VDAC1: variants seen among roughly 807,000 people sequenced by gnomAD.
VDAC1 encodes the protein non-selective voltage-gated ion channel VDAC1.
VDAC1 carries 10 observed loss-of-function variants against 34.7 expected under a neutral mutation model. The ratio of observed to expected loss-of-function variants is 0.29; its 90% CI spans 0.18 to 0.49. The LOEUF (loss-of-function observed/expected upper bound fraction) is 0.49. Ranked by LOEUF, VDAC1 falls within the 20% of genes least tolerant of loss-of-function variation. VDAC1 has a pLI of 0.99. For synonymous variants in VDAC1, 130 were observed against 136.0 expected, an observed-to-expected ratio of 0.96 and a Z score of 0.30; for missense variants, 230 against 347.9, an observed-to-expected ratio of 0.66 and a Z score of 2.69.
the VDAC1 span, among the ~76,000 whole-genome samples, chr5:134,088,914 T>A: frequency 6.6e-6 from 1 of 152,250 alleles, no homozygotes; most frequent in Non-Finnish European, 1.5e-5. Flanking sequence ...ACACATCCAT[T>A]CAGCTTTTGC....
At chr5:134,031,748 T>G in the VDAC1 span, among the ~76,000 whole-genome samples, 1 of 151,744 alleles carries the variant, frequency 6.6e-6, no homozygotes, top group Non-Finnish European at 1.5e-5. Context: ...GTCAGGAGTT[T>G]CAGACCAGCC....
At chr5:134,097,794 G>T in the VDAC1 span, among the ~76,000 whole-genome samples, 5 of 152,266 alleles carry the variant, frequency 3.3e-5, no homozygotes, top group African/African-American at 1.2e-4. Flanking sequence ...GCAGCTCAAG[G>T]TTCTGAAGGT....
At chr5:134,051,203 C>T in the VDAC1 span, among the ~76,000 whole-genome samples, 1 of 152,190 alleles carries the variant, frequency 6.6e-6, no homozygotes, top group African/African-American at 2.4e-5. Context: ...GCCCAGGAGC[C>T]AGGGGGGCCA....
intron 6 of VDAC1, among the ~76,000 whole-genome samples, chr5:133,976,980 G>A (rs1752506200): frequency 6.6e-6 from 1 of 152,188 alleles, no homozygotes; most frequent in Non-Finnish European, 1.5e-5. Flanking sequence ...GGAGGCAGAG[G>A]TTGCAGTGAG....
At chr5:134,020,042 C>G in the VDAC1 span, among the ~76,000 whole-genome samples, 8 of 152,062 alleles carry the variant, frequency 5.3e-5, no homozygotes, top group East Asian at 5.8e-4. Context: ...ATACCTGCCC[C>G]CTGTGACCTA....
intron 8 of VDAC1, among the ~76,000 whole-genome samples, chr5:133,973,443 ATTTC>A (rs771497688): frequency 2.6e-5 from 4 of 152,150 alleles, no homozygotes; most frequent in Non-Finnish European, 5.9e-5. Context: ...CACTTTTCCT[ATTTC>A]TTTGTCTTTT....
In VDAC1 at chr5:133,980,821, G is replaced by A. The variant is rs150906268; in HGVS notation, c.459C>T (p.Tyr153=). ...ATTTTGCAGTCTCAAAATTCATCTGGTAGCCGGCCAGCCAGCCCTCGTAAC... is the reference window on the plus strand; with the variant it reads ...ATTTTGCAGTCTCAAAATTCATCTGATAGCCGGCCAGCCAGCCCTCGTAAC... ...VLGYEGWLAG[Y]QMNFETAKSR... Residue 153 remains tyrosine, a synonymous_variant, in exon 6 of 9, where the codon TAC becomes TAT. Coordinates refer to ENST00000265333, the MANE Select transcript of VDAC1 (RefSeq NM_003374.3). 253 of 1,613,238 alleles carry A rather than the reference G, an allele frequency of 1.6e-4. No individual in the cohort carries two copies. The African/African-American group carries it at 1.7e-3, about 11-fold the overall frequency.
At chr5:134,075,671 C>T in the VDAC1 span, among the ~76,000 whole-genome samples, 2 of 152,162 alleles carry the variant, frequency 1.3e-5, no homozygotes, top group African/African-American at 4.8e-5. Context: ...GCAACCTCCA[C>T]CTCCCGGGTT....
At chr5:134,025,989 C>T in the VDAC1 span, among the ~76,000 whole-genome samples, 1 of 152,056 alleles carries the variant, frequency 6.6e-6, no homozygotes, top group South Asian at 2.1e-4. Flanking sequence ...CCTTTTCCAC[C>T]GAGCCTGGCC....
chr5:134,072,143 T>C, the VDAC1 span, among the ~76,000 whole-genome samples: 1 of 152,140 alleles, frequency 6.6e-6, no homozygotes, highest in Non-Finnish European at 1.5e-5. Context: ...GCAGACACCT[T>C]CTAAGAACTT....
chr5:134,096,194 G>A, the VDAC1 span, among the ~76,000 whole-genome samples: 1 of 152,218 alleles, frequency 6.6e-6, no homozygotes, highest in Non-Finnish European at 1.5e-5. Context: ...TCCCTCCTAG[G>A]GGCTTCCTCC....
the VDAC1 span, among the ~76,000 whole-genome samples, chr5:134,024,294 C>T: frequency 6.6e-6 from 1 of 151,194 alleles, no homozygotes. Flanking sequence ...TTTGGGAGGC[C>T]GAGGAGGGCA....
At chr5:134,056,762 C>T in the VDAC1 span, among the ~76,000 whole-genome samples, 85 of 152,176 alleles carry the variant, frequency 5.6e-4, 2 homozygotes, top group East Asian at 0.015. Context: ...CTTGGCTCAC[C>T]GCAACCTCCG....
At chr5:133,993,144 C>A in intron 1 of VDAC1, 126 bp from the exon 2 acceptor site, 1 of 982,104 alleles carries the variant, frequency 1.0e-6, no homozygotes, top group South Asian at 1.7e-5. Flanking sequence ...TACCAGGTAG[C>A]TTATCCTCCC....
chr5:134,027,810 A>C, the VDAC1 span, among the ~76,000 whole-genome samples: 1 of 124,532 alleles, frequency 8.0e-6, no homozygotes. Context: ...CGCTCTTGTC[A>C]CCCGGGCTGG....
the VDAC1 span, among the ~76,000 whole-genome samples, chr5:134,010,424 C>T: frequency 6.6e-6 from 1 of 152,034 alleles, no homozygotes; most frequent in Non-Finnish European, 1.5e-5. Flanking sequence ...ATGATGAAAC[C>T]CTGCCTCTAC....
chr5:134,053,659 G>A, the VDAC1 span, among the ~76,000 whole-genome samples: 1 of 152,182 alleles, frequency 6.6e-6, no homozygotes, highest in South Asian at 2.1e-4. Context: ...ACATTGCATG[G>A]GTGGGACTTT....
the VDAC1 span, among the ~76,000 whole-genome samples, chr5:134,033,936 G>C: frequency 7.9e-5 from 12 of 151,880 alleles, no homozygotes; most frequent in African/African-American, 1.9e-4. Flanking sequence ...AGCTTGCAGT[G>C]AGCCGAGATC....
At chr5:134,057,163 T>C in the VDAC1 span, among the ~76,000 whole-genome samples, 1 of 152,082 alleles carries the variant, frequency 6.6e-6, no homozygotes, top group African/African-American at 2.4e-5. Context: ...GGTAAAACCC[T>C]GTCTCTACTA....
Sources: allele counts gnomAD v4.1 joint callset (sites outside exome capture counted in the v4.1 genomes callset), GRCh38; gene constraint gnomAD v4.1.1; transcripts MANE v1.5; gene names NCBI Gene and HGNC (gene_info 2026-07-23, HGNC 2026-07-21).